Variants in VTI1A observed in about 807,000 individuals in gnomAD.
The protein encoded by VTI1A is vesicle transport through interaction with t-SNAREs 1A, also known as vesicle transport through interaction with t-SNAREs homolog 1A.
A neutral mutation model predicts 34.9 loss-of-function variants in VTI1A; 22 were observed. The observed-to-expected ratio is 0.63, with a 90% confidence interval of 0.45 to 0.90. The LOEUF (loss-of-function observed/expected upper bound fraction) is 0.90, where lower values mean the gene tolerates loss of function less well. VTI1A is among the 40% of genes least tolerant of loss of function. The pLI is 0.00. For synonymous variants in VTI1A, 87 were observed against 97.3 expected (o/e 0.89, Z 0.62); for missense variants, 268 against 275.6 (o/e 0.97, Z 0.20).
intron 7 of VTI1A, among the ~76,000 whole-genome samples, chr10:112,784,383 G>A (rs1852222616): frequency 6.6e-6 from 1 of 152,158 alleles, no homozygotes; most frequent in African/African-American, 2.4e-5. Context: ...CTATATGATA[G>A]GGCAGCTCAA....
chr10:112,585,446 A>T (rs1262288145), intron 5 of VTI1A, among the ~76,000 whole-genome samples: 1 of 152,136 alleles, frequency 6.6e-6, no homozygotes, highest in East Asian at 1.9e-4. Flanking sequence ...AAAGAATGTC[A>T]TTTTCATGAA....
chr10:112,808,392 G>A (rs772237079), intron 7 of VTI1A, among the ~76,000 whole-genome samples: 1 of 152,146 alleles, frequency 6.6e-6, no homozygotes, highest in Non-Finnish European at 1.5e-5. Flanking sequence ...TTGGGAGGCT[G>A]AGGTGGGCAG....
At chr10:112,545,218 G>A (rs143467099) in intron 5 of VTI1A, among the ~76,000 whole-genome samples, 16 of 152,290 alleles carry the variant, frequency 1.1e-4, no homozygotes, top group East Asian at 1.9e-4. Flanking sequence ...AACAATTGGC[G>A]TGTGTTTCCA....
At chr10:112,565,693 A>G (rs548500951) in intron 5 of VTI1A, among the ~76,000 whole-genome samples, 1 of 152,356 alleles carries the variant, frequency 6.6e-6, no homozygotes, top group Non-Finnish European at 1.5e-5. Context: ...TTGTGCTGCC[A>G]GTAGTACATG....
chr10:112,531,015 T>G (rs1311343462), intron 4 of VTI1A, among the ~76,000 whole-genome samples: 1 of 150,982 alleles, frequency 6.6e-6, no homozygotes, highest in Non-Finnish European at 1.5e-5. Flanking sequence ...GCAGTCGCGT[T>G]ATCAGCTTTA....
intron 4 of VTI1A, among the ~76,000 whole-genome samples, chr10:112,529,067 T>C (rs1226093053): frequency 6.6e-6 from 1 of 152,182 alleles, no homozygotes; most frequent in East Asian, 1.9e-4. Flanking sequence ...CCTGGACTTG[T>C]ATAAATCAAA....
the VTI1A span, among the ~76,000 whole-genome samples, chr10:112,839,972 T>G: frequency 6.6e-6 from 1 of 152,030 alleles, no homozygotes; most frequent in African/African-American, 2.4e-5. Context: ...GGCCTCAGTT[T>G]CCTCATCTGT....
chr10:112,545,150 T>C (rs1851030848), intron 5 of VTI1A, among the ~76,000 whole-genome samples: 1 of 152,258 alleles, frequency 6.6e-6, no homozygotes, highest in South Asian at 2.1e-4. Flanking sequence ...GGAAAAATTA[T>C]AAGCTGGCTT....
At chr10:112,757,625 A>T (rs894575328) in intron 7 of VTI1A, among the ~76,000 whole-genome samples, 4 of 151,938 alleles carry the variant, frequency 2.6e-5, no homozygotes, top group African/African-American at 9.7e-5. Flanking sequence ...GCCTCAAGTG[A>T]TCTGCCCACC....
intron 4 of VTI1A, among the ~76,000 whole-genome samples, chr10:112,537,156 G>A (rs1487208916): frequency 6.6e-6 from 1 of 151,670 alleles, no homozygotes; most frequent in African/African-American, 2.4e-5. Context: ...ACACAAAGTT[G>A]TAGGAGTTGT....
chr10:112,822,247 C>G (rs1853667264), downstream of VTI1A, among the ~76,000 whole-genome samples: 1 of 152,174 alleles, frequency 6.6e-6, no homozygotes, highest in African/African-American at 2.4e-5. Flanking sequence ...AAAACCCACT[C>G]CCTGGCCAGG....
rs188676288 is a variant in VTI1A at position 112,536,525 on chromosome 10, C to T, written c.343-1721C>T. On this transcript the variant is annotated intron_variant, in intron 4 of 7. Coordinates refer to ENST00000393077, the MANE Select transcript of VTI1A (RefSeq NM_145206.4). Reference sequence around the variant, plus strand: ...TCTTCTTTTTCTTAATTACAGCCTTCAGTGATTTTGCTTTTTAATGATACA... The same window carrying T: ...TCTTCTTTTTCTTAATTACAGCCTTTAGTGATTTTGCTTTTTAATGATACA... Among the ~76,000 whole-genome samples the T allele has an allele frequency of 2.5e-3, 376 of 152,146 alleles. 4 individuals carry two copies. Among genetic ancestry groups the T allele is most frequent in the Non-Finnish European group, 1.2e-3 (84 of 68,002 alleles).
the VTI1A span, among the ~76,000 whole-genome samples, chr10:112,844,801 C>T: frequency 9.7e-4 from 148 of 152,328 alleles, no homozygotes; most frequent in Admixed American, 1.1e-3. Context: ...CTTAACTGTG[C>T]AGCGCAAAAT....
the VTI1A span, among the ~76,000 whole-genome samples, chr10:112,830,849 A>ATATATATATATATATATATATTTATTTT: frequency 3.0e-5 from 1 of 33,512 alleles, no homozygotes; most frequent in Non-Finnish European, 4.9e-5. Context: ...ATATATATAT[A>ATATATATATATATATATATATTTATTTT]TTTTTTTTTT....
At chr10:112,590,166 G>A (rs552978546) in intron 5 of VTI1A, among the ~76,000 whole-genome samples, 6 of 152,210 alleles carry the variant, frequency 3.9e-5, no homozygotes, top group East Asian at 1.9e-4. Context: ...GGACCTAGAG[G>A]TGGAAGTTGG....
chr10:112,584,745 A>G (rs1445943770), intron 5 of VTI1A, among the ~76,000 whole-genome samples: 4 of 152,236 alleles, frequency 2.6e-5, no homozygotes, highest in Non-Finnish European at 4.4e-5. Context: ...GAGTATAGAT[A>G]GAATTATTGT....
chr10:112,654,403 A>T (rs557753788), intron 5 of VTI1A, among the ~76,000 whole-genome samples: 23 of 152,318 alleles, frequency 1.5e-4, no homozygotes, highest in African/African-American at 5.5e-4. Flanking sequence ...CCACGCATAC[A>T]TCTCAAATTT....
intron 7 of VTI1A, among the ~76,000 whole-genome samples, chr10:112,795,853 C>A (rs747791018): frequency 9.9e-5 from 15 of 151,964 alleles, no homozygotes; most frequent in Non-Finnish European, 1.9e-4. Context: ...TAATAAGATA[C>A]GGTAATTCAA....
At chr10:112,572,393 G>T (rs1372242280) in intron 5 of VTI1A, among the ~76,000 whole-genome samples, 1 of 152,126 alleles carries the variant, frequency 6.6e-6, no homozygotes, top group African/African-American at 2.4e-5. Context: ...CAGTTCTTTG[G>T]TAGTTTTCTT....
Sources: gnomAD v4.1 joint callset for allele counts (sites outside exome capture counted in the v4.1 genomes callset) on GRCh38, gnomAD v4.1.1 for gene constraint, MANE v1.5 for transcripts, NCBI Gene and HGNC (gene_info 2026-07-23, HGNC 2026-07-21) for gene names.